The following SLC9A2 variants were observed in gnomAD, a reference collection of about 807,000 sequenced individuals.
SLC9A2 encodes sodium/hydrogen exchanger 2.
A neutral mutation model predicts 71.7 loss-of-function variants in SLC9A2; 42 were observed. That is an observed-to-expected ratio of 0.59 (90% CI 0.46 to 0.76). The LOEUF (loss-of-function observed/expected upper bound fraction) is 0.76. Ranked by LOEUF, SLC9A2 falls within the 30% of genes least tolerant of loss-of-function variation. SLC9A2 has a pLI of 0.00. For missense variants in SLC9A2, 829 were observed against 1,017.4 expected (o/e 0.81, Z 2.52); for synonymous variants, 396 against 392.5 (o/e 1.01, Z -0.10).
At chr2:102,682,202 T>C (rs1677466437) in intron 3 of SLC9A2, among the ~76,000 whole-genome samples, 1 of 152,220 alleles carries the variant, frequency 6.6e-6, no homozygotes, top group Non-Finnish European at 1.5e-5. Context: ...CTTTTGATAC[T>C]TCATAGTAAC....
chr2:102,643,293 T>A (rs1016453051), intron 1 of SLC9A2, among the ~76,000 whole-genome samples: 1 of 152,076 alleles, frequency 6.6e-6, no homozygotes, highest in Non-Finnish European at 1.5e-5. Flanking sequence ...ACCACCCCAA[T>A]AGAAAAGCCA....
At chr2:102,679,483 G>T (rs747852676) in intron 3 of SLC9A2, among the ~76,000 whole-genome samples, 1 of 151,570 alleles carries the variant, frequency 6.6e-6, no homozygotes, top group Non-Finnish European at 1.5e-5. Flanking sequence ...CCGGGTTCAC[G>T]CCATTCTTCT....
chr2:102,661,520 A>AT (rs1011888296), intron 2 of SLC9A2, among the ~76,000 whole-genome samples: 2 of 151,470 alleles, frequency 1.3e-5, no homozygotes, highest in Non-Finnish European at 2.9e-5. Flanking sequence ...TTACCTGAAC[A>AT]TTTTTTTTTC....
chr2:102,705,447 A>AT (rs1169137926), intron 10 of SLC9A2, among the ~76,000 whole-genome samples: 1 of 151,528 alleles, frequency 6.6e-6, no homozygotes, highest in African/African-American at 2.4e-5. Flanking sequence ...TATTAATATC[A>AT]TTTTTAAGAT....
intron 1 of SLC9A2, among the ~76,000 whole-genome samples, chr2:102,645,848 G>A (rs1676712331): frequency 6.6e-6 from 1 of 152,128 alleles, no homozygotes; most frequent in South Asian, 2.1e-4. Context: ...GAAAGTGACA[G>A]GGAGAATGTA....
intron 3 of SLC9A2, among the ~76,000 whole-genome samples, chr2:102,672,480 A>G (rs2104531433): frequency 6.6e-6 from 1 of 152,338 alleles, no homozygotes; most frequent in Admixed American, 6.5e-5. Context: ...TGGGAGGAAT[A>G]AAAGAGAAAT....
intron 1 of SLC9A2, among the ~76,000 whole-genome samples, chr2:102,650,032 T>C (rs538392833): frequency 7.2e-5 from 11 of 152,304 alleles, no homozygotes; most frequent in African/African-American, 2.4e-4. Context: ...GTTTCTTGCA[T>C]GCAGCGCTAT....
intron 3 of SLC9A2, among the ~76,000 whole-genome samples, chr2:102,671,763 T>C (rs1383869067): frequency 1.3e-5 from 2 of 152,232 alleles, no homozygotes; most frequent in East Asian, 3.8e-4. Flanking sequence ...CAGCCTCATG[T>C]GGCTTCTGAG....
Position 102,705,880 on chromosome 2 carries a change from C to G in SLC9A2, c.2012C>G (p.Pro671Arg). 6.2e-7 allele frequency: 1 copy of G among 1,603,794 alleles called. No individual in the cohort carries two copies. Among genetic ancestry groups the G allele is most frequent in the Non-Finnish European group, 8.5e-7 (1 of 1,175,018 alleles). ...STSTSRYLSL[P>R]KNTKLPEKLQ... ...TCAACCTCCCGATATTTATCCTTAC[C>G]TAAAAATACGAAGCTTCCAGAAAAG... The change falls in exon 11 of 12, where the codon CCT becomes CGT. Residue 671 changes from proline to arginine, a missense_variant. Around this residue, in one of 3 missense-constraint regions of SLC9A2, gnomAD observed 223 missense variants for 197.5 expected, o/e 1.13. Transcript: ENST00000233969.
intron 2 of SLC9A2, among the ~76,000 whole-genome samples, chr2:102,658,385 A>C (rs1676986515): frequency 6.6e-6 from 1 of 152,006 alleles, no homozygotes; most frequent in Non-Finnish European, 1.5e-5. Flanking sequence ...TGGCATTTTC[A>C]AAAATGATGG....
rs1573437024 is a variant in SLC9A2 at position 102,704,457 on chromosome 2, A to T, written c.1846-87A>T. On this transcript the variant is annotated intron_variant, in intron 9 of 11. Transcript: ENST00000233969. ...GCTTAGCTGAGGTGCAGATCCAAAG[A>T]AATGTGGTAAAGTCTTGGAATTTCT... 4.5e-6 allele frequency: 6 copies of T among 1,342,708 alleles called. No individual in the cohort carries two copies. The East Asian group carries it at 1.5e-4, about 33-fold the overall frequency. 83.2% of individuals were successfully genotyped at this position (1,342,708 alleles called of 1,614,324 possible). A position where few individuals can be genotyped will look rare whatever the true frequency, so the allele number is the denominator to read the frequency against.
intron 1 of SLC9A2, among the ~76,000 whole-genome samples, chr2:102,631,682 C>A (rs530065268): frequency 1.3e-5 from 2 of 152,002 alleles, no homozygotes; most frequent in South Asian, 2.1e-4. Flanking sequence ...AGGCCTAATT[C>A]TCATGGTTAT....
chr2:102,634,035 C>A (rs1243135559), intron 1 of SLC9A2, among the ~76,000 whole-genome samples: 1 of 152,140 alleles, frequency 6.6e-6, no homozygotes, highest in Non-Finnish European at 1.5e-5. Flanking sequence ...TGGAACAAGG[C>A]CTGGTACATA....
At chr2:102,648,614 A>ACTC (rs889610662) in intron 1 of SLC9A2, among the ~76,000 whole-genome samples, 1 of 150,830 alleles carries the variant, frequency 6.6e-6, no homozygotes, top group Non-Finnish European at 1.5e-5. Context: ...CAACCCAAAA[A>ACTC]CTCCTAATAA....
intron 2 of SLC9A2, among the ~76,000 whole-genome samples, chr2:102,660,966 A>G (rs1363310801): frequency 2.6e-5 from 4 of 152,256 alleles, no homozygotes; most frequent in African/African-American, 9.6e-5. Context: ...GATAAATTCA[A>G]CATTGAGCTA....
chr2:102,634,174 T>C (rs946429046), intron 1 of SLC9A2, among the ~76,000 whole-genome samples: 1 of 152,220 alleles, frequency 6.6e-6, no homozygotes, highest in African/African-American at 2.4e-5. Context: ...ATGATATTTC[T>C]GGTTTACATT....
intron 1 of SLC9A2, among the ~76,000 whole-genome samples, chr2:102,623,584 T>A (rs900800137): frequency 1.3e-5 from 2 of 152,142 alleles, no homozygotes; most frequent in African/African-American, 2.4e-5. Flanking sequence ...TCAACTTTTG[T>A]TCTGAAAAAG....
chr2:102,635,368 G>C (rs189742141), intron 1 of SLC9A2, among the ~76,000 whole-genome samples: 1 of 152,200 alleles, frequency 6.6e-6, no homozygotes, highest in African/African-American at 2.4e-5. Context: ...TTGTGTGTTC[G>C]CTCGTGAAGT....
intron 3 of SLC9A2, among the ~76,000 whole-genome samples, chr2:102,669,068 A>G (rs1403639688): frequency 2.6e-5 from 4 of 152,232 alleles, no homozygotes; most frequent in African/African-American, 9.6e-5. Flanking sequence ...TTCTTTGGAA[A>G]GATGATGGAA....
Sources: allele counts gnomAD v4.1 joint callset (sites outside exome capture counted in the v4.1 genomes callset), GRCh38; gene constraint gnomAD v4.1.1; regional missense constraint gnomAD v4.1.1; transcripts MANE v1.5; gene names NCBI Gene and HGNC (gene_info 2026-07-23, HGNC 2026-07-21).